The following EPHA6 variants were observed in gnomAD, a reference collection of about 807,000 sequenced individuals.
EPHA6 encodes the protein ephrin type-A receptor 6.
EPHA6 carries 50 observed loss-of-function variants against 112.0 expected under a neutral mutation model. That is an observed-to-expected ratio of 0.45 (90% CI 0.36 to 0.56). The LOEUF is 0.56. Ranked by LOEUF, EPHA6 falls within the 20% of genes least tolerant of loss-of-function variation. EPHA6 has a pLI of 0.00. For synonymous variants in EPHA6, 529 were observed against 490.7 expected (o/e 1.08, Z -1.03); for missense variants, 1,280 against 1,417.4 (o/e 0.90, Z 1.56).
chr3:97,464,897 T>G (rs926589865), intron 7 of EPHA6, among the ~76,000 whole-genome samples: 1 of 152,106 alleles, frequency 6.6e-6, no homozygotes, highest in African/African-American at 2.4e-5. Context: ...TTTGATAAAG[T>G]TGGTGATGCT....
intron 5 of EPHA6, among the ~76,000 whole-genome samples, chr3:97,380,067 T>C (rs562541262): frequency 6.6e-4 from 100 of 152,220 alleles, no homozygotes; most frequent in African/African-American, 2.3e-3. Context: ...TTCTAGCATA[T>C]TGGTGCTCCT....
rs11918869 is a variant in EPHA6 at position 97,646,591 on chromosome 3, A to G, written c.2784+8509A>G. On this transcript the variant is annotated intron_variant, in intron 14 of 17. Transcript: ENST00000389672. ...TTGTGAAACAGCTTCGCTAATTATC[A>G]GTCCCAAAAAAGGACTCCCATTCCA... Among the ~76,000 whole-genome samples, 317 of 152,260 alleles carry G rather than the reference A, an allele frequency of 2.1e-3. 3 individuals carry two copies. The highest frequency in any genetic ancestry group is 7.2e-3 in the African/African-American group (300 of 41,558).
intron 3 of EPHA6, among the ~76,000 whole-genome samples, chr3:97,120,964 A>G (rs894508136): frequency 5.9e-5 from 9 of 152,010 alleles, no homozygotes; most frequent in African/African-American, 2.2e-4. Flanking sequence ...CTTCTTTTTA[A>G]TGTTTATTGG....
intron 14 of EPHA6, among the ~76,000 whole-genome samples, chr3:97,676,864 G>A (rs559305877): frequency 3.0e-4 from 46 of 152,182 alleles, no homozygotes; most frequent in African/African-American, 8.4e-4. Context: ...AGCTAAAATC[G>A]AGGATGAAGA....
At chr3:97,497,167 G>T (rs1420999552) in intron 10 of EPHA6, among the ~76,000 whole-genome samples, 1 of 152,140 alleles carries the variant, frequency 6.6e-6, no homozygotes, top group Non-Finnish European at 1.5e-5. Flanking sequence ...CTCAAAACCT[G>T]CCAATCATGA....
intron 3 of EPHA6, among the ~76,000 whole-genome samples, chr3:96,999,608 C>T (rs1363319219): frequency 6.6e-6 from 1 of 151,922 alleles, no homozygotes; most frequent in African/African-American, 2.4e-5. Context: ...TTTCCACAAA[C>T]AATTCTCTGC....
At chr3:97,076,778 G>C (rs1024742433) in intron 3 of EPHA6, among the ~76,000 whole-genome samples, 2 of 152,090 alleles carry the variant, frequency 1.3e-5, no homozygotes, top group Non-Finnish European at 2.9e-5. Context: ...GTGCTCATTT[G>C]CTATTCCAAA....
At chr3:97,170,835 AT>A (rs1174314943) in intron 3 of EPHA6, among the ~76,000 whole-genome samples, 1 of 152,194 alleles carries the variant, frequency 6.6e-6, no homozygotes, top group Non-Finnish European at 1.5e-5. Context: ...CACTCTTCAT[AT>A]TGATACACTT....
At chr3:97,001,456 C>T (rs946138237) in intron 3 of EPHA6, among the ~76,000 whole-genome samples, 6 of 151,820 alleles carry the variant, frequency 4.0e-5, no homozygotes, top group African/African-American at 1.2e-4. Flanking sequence ...CTGGTGTTCT[C>T]AGTTATTCAT....
intron 2 of EPHA6, among the ~76,000 whole-genome samples, chr3:96,949,322 G>A (rs1236986818): frequency 6.6e-6 from 1 of 151,968 alleles, no homozygotes; most frequent in Admixed American, 6.6e-5. Context: ...CATATAAAAA[G>A]GCAGTATAAA....
intron 3 of EPHA6, among the ~76,000 whole-genome samples, chr3:97,014,537 T>A (rs1051525772): frequency 6.6e-6 from 1 of 152,168 alleles, no homozygotes; most frequent in Non-Finnish European, 1.5e-5. Context: ...TTAATACATC[T>A]CTTCTTCCAT....
intron 5 of EPHA6, among the ~76,000 whole-genome samples, chr3:97,402,068 G>A (rs2087025202): frequency 6.6e-6 from 1 of 151,898 alleles, no homozygotes; most frequent in African/African-American, 2.4e-5. Flanking sequence ...TTGTTTTGTG[G>A]CCTAACATGT....
intron 3 of EPHA6, among the ~76,000 whole-genome samples, chr3:97,028,402 T>C (rs1411064162): frequency 1.3e-5 from 2 of 152,142 alleles, no homozygotes; most frequent in East Asian, 3.8e-4. Context: ...TCAATAAAAG[T>C]GTCTTCCTTT....
At chr3:97,212,669 G>A (rs975453318) in intron 3 of EPHA6, among the ~76,000 whole-genome samples, 1 of 152,096 alleles carries the variant, frequency 6.6e-6, no homozygotes, top group Non-Finnish European at 1.5e-5. Flanking sequence ...TTGAGTGTAT[G>A]TGCTTTTTTT....
intron 15 of EPHA6, among the ~76,000 whole-genome samples, chr3:97,730,492 T>C (rs1332422623): frequency 6.6e-6 from 1 of 152,128 alleles, no homozygotes; most frequent in East Asian, 1.9e-4. Flanking sequence ...CTTGTATAAC[T>C]CTTCTTCCAA....
intron 5 of EPHA6, among the ~76,000 whole-genome samples, chr3:97,327,958 T>G (rs1442956156): frequency 1.5e-5 from 2 of 135,058 alleles, no homozygotes; most frequent in Admixed American, 1.5e-4. Flanking sequence ...TATGTATCTG[T>G]GTGTATATAT....
chr3:97,328,657 C>A (rs2108811871), intron 5 of EPHA6, among the ~76,000 whole-genome samples: 1 of 152,032 alleles, frequency 6.6e-6, no homozygotes, highest in African/African-American at 2.4e-5. Context: ...ATTTTCTTTT[C>A]ATCCTTACTA....
chr3:96,964,944 G>T (rs1419764718), intron 2 of EPHA6, among the ~76,000 whole-genome samples: 2 of 152,132 alleles, frequency 1.3e-5, no homozygotes, highest in Non-Finnish European at 2.9e-5. Context: ...CACGAATCGG[G>T]CAGCCCCCAG....
At chr3:96,971,546 G>A (rs2042317773) in intron 2 of EPHA6, among the ~76,000 whole-genome samples, 1 of 151,666 alleles carries the variant, frequency 6.6e-6, no homozygotes. Flanking sequence ...AGAATTCAGG[G>A]CACTAATTTT....
Sources: allele counts gnomAD v4.1 joint callset (sites outside exome capture counted in the v4.1 genomes callset), GRCh38; gene constraint gnomAD v4.1.1; transcripts MANE v1.5; gene names NCBI Gene and HGNC (gene_info 2026-07-23, HGNC 2026-07-21).